The following AHCY variants were observed in gnomAD, a reference collection of about 807,000 sequenced individuals.
The protein encoded by AHCY is S-adenosyl-L-homocysteine hydrolase.
Under a neutral mutation model 45.4 loss-of-function variants are expected in AHCY, and 24 were observed. The ratio of observed to expected loss-of-function variants is 0.53; its 90% CI spans 0.38 to 0.74. The LOEUF (loss-of-function observed/expected upper bound fraction) is 0.74. Among genes scored for constraint, AHCY ranks in the 30% least tolerant of loss-of-function variants. AHCY has a pLI of 0.00. For synonymous variants in AHCY, 245 were observed against 235.1 expected, an observed-to-expected ratio of 1.04 and a Z score of -0.39; for missense variants, 449 against 594.1, an observed-to-expected ratio of 0.76 and a Z score of 2.54.
chr20:34,271,974 GA>G, the AHCY span, among the ~76,000 whole-genome samples: 1 of 150,448 alleles, frequency 6.6e-6, no homozygotes, highest in Non-Finnish European at 1.5e-5. Flanking sequence ...TAGCTTGAGA[GA>G]AAAAAAGGTA....
chr20:34,261,277 T>G, the AHCY span, among the ~76,000 whole-genome samples: 1 of 152,002 alleles, frequency 6.6e-6, no homozygotes, highest in African/African-American at 2.4e-5. Context: ...GGCATGAGGA[T>G]TGTTTGAGCC....
the AHCY span, among the ~76,000 whole-genome samples, chr20:34,247,928 G>A: frequency 5.5e-4 from 84 of 152,268 alleles, no homozygotes; most frequent in Non-Finnish European, 9.3e-4. Flanking sequence ...CCTGAAGGCC[G>A]GGCGCAGTGG....
intron 2 of AHCY, among the ~76,000 whole-genome samples, chr20:34,294,548 G>A (rs2036509085): frequency 6.6e-6 from 1 of 152,162 alleles, no homozygotes; most frequent in Non-Finnish European, 1.5e-5. Context: ...AGTAAAGGGA[G>A]TTGGGAGTGG....
downstream of AHCY, among the ~76,000 whole-genome samples, chr20:34,275,594 A>T (rs1455435003): frequency 6.6e-6 from 1 of 152,170 alleles, no homozygotes; most frequent in East Asian, 1.9e-4. Context: ...GGCTAGATCC[A>T]GTTAGTGTAA....
At chr20:34,249,114 G>A in the AHCY span, among the ~76,000 whole-genome samples, 4 of 152,104 alleles carry the variant, frequency 2.6e-5, no homozygotes, top group Admixed American at 2.0e-4. Context: ...GGGTGACAGA[G>A]TGAGACCCTG....
chr20:34,235,271 C>A, the AHCY span, among the ~76,000 whole-genome samples: 1 of 152,160 alleles, frequency 6.6e-6, no homozygotes, highest in Non-Finnish European at 1.5e-5. Flanking sequence ...GAAACCCCGT[C>A]TCTACTAAAA....
intron 8 of AHCY, among the ~76,000 whole-genome samples, chr20:34,289,781 C>G (rs534767652): frequency 3.9e-5 from 6 of 151,926 alleles, no homozygotes; most frequent in African/African-American, 1.5e-4. Context: ...CCCGGCCCAG[C>G]TAATTTTTTT....
At chr20:34,272,295 G>A in the AHCY span, among the ~76,000 whole-genome samples, 1 of 152,168 alleles carries the variant, frequency 6.6e-6, no homozygotes, top group East Asian at 1.9e-4. Context: ...CACCACAACA[G>A]TCATCAACAC....
upstream of AHCY, among the ~76,000 whole-genome samples, chr20:34,306,807 A>T (rs182134084): frequency 2.6e-5 from 4 of 152,256 alleles, no homozygotes; most frequent in East Asian, 7.7e-4. Flanking sequence ...ACAAAAACCA[A>T]TTCCAATATA....
the AHCY span, chr20:34,262,997 A>G: frequency 6.0e-6 from 8 of 1,327,562 alleles, no homozygotes; most frequent in Non-Finnish European, 8.4e-6. Context: ...AAGATTTTTC[A>G]GGCCTATATT....
At chr20:34,276,061 T>G (rs2035908202), downstream of AHCY, among the ~76,000 whole-genome samples, 1 of 152,066 alleles carries the variant, frequency 6.6e-6, no homozygotes, top group Non-Finnish European at 1.5e-5. Context: ...TCACATTCCT[T>G]CCAATCCTGG....
chr20:34,293,962 T>A lies in AHCY; in HGVS notation c.295+119A>T, dbSNP rs769182964. 839 of 1,006,128 alleles carry A rather than the reference T, an allele frequency of 8.3e-4. 3 individuals are homozygous for A. The highest frequency in any genetic ancestry group is 1.1e-3 in the Non-Finnish European group (704 of 648,270). The allele number at this position is 1,006,128 out of a possible 1,614,324, so 62.3% of individuals were successfully genotyped here. A position where few individuals can be genotyped will look rare whatever the true frequency, so the allele number is the denominator to read the frequency against. ...GTGGGGTCGCTGGGCTAGGATTTTG[T>A]GGCGGTGACTCCTCTCCCTTTCTGA... On this transcript the variant is annotated intron_variant, in intron 3 of 9. Transcript: ENST00000217426.
chr20:34,268,206 G>A, the AHCY span, among the ~76,000 whole-genome samples: 2 of 152,194 alleles, frequency 1.3e-5, no homozygotes, highest in East Asian at 1.9e-4. Context: ...TACCTGTATC[G>A]AAGGTACAAA....
chr20:34,269,176 A>G, the AHCY span: 18 of 1,495,600 alleles, frequency 1.2e-5, no homozygotes, highest in African/African-American at 1.5e-5. Context: ...GAGCGCCCCC[A>G]CTCCCGGCCG....
rs746684170 is a variant in AHCY at position 34,285,424 on chromosome 20, A to G, written c.1167+16T>C. 1 of 1,613,420 alleles carries G rather than the reference A, an allele frequency of 6.2e-7. No homozygotes were observed. Among genetic ancestry groups the G allele is most frequent in the Non-Finnish European group, 8.5e-7 (1 of 1,179,562 alleles). On this transcript the variant is annotated intron_variant, in intron 9 of 9. Transcript: ENST00000217426. ...AGACACGTGACCCTTGGCTTGAGGT[A>G]GAAGAATAAACCCACCTTCTTGGGC...
At chr20:34,258,433 G>A in the AHCY span, among the ~76,000 whole-genome samples, 1 of 149,454 alleles carries the variant, frequency 6.7e-6, no homozygotes, top group Admixed American at 6.8e-5. Context: ...ATGTGAGAAG[G>A]GCAAATAAGT....
the AHCY span, among the ~76,000 whole-genome samples, chr20:34,257,070 C>CTTTTTTTTTTTTTTTTTTTTTTTTT: frequency 1.4e-5 from 2 of 139,422 alleles, no homozygotes; most frequent in African/African-American, 2.6e-5. Context: ...CTTTCTTTCT[C>CTTTTTTTTTTTTTTTTTTTTTTTTT]TTTTTTTTTT....
chr20:34,245,781 C>G, the AHCY span, among the ~76,000 whole-genome samples: 1 of 151,854 alleles, frequency 6.6e-6, no homozygotes, highest in East Asian at 1.9e-4. Flanking sequence ...AAAAAACAAG[C>G]AACCTTGTAC....
At chr20:34,258,700 A>ATATATATATATATATACACACACATAC in the AHCY span, among the ~76,000 whole-genome samples, 32 of 77,922 alleles carry the variant, frequency 4.1e-4, 3 homozygotes, top group East Asian at 1.6e-3. Context: ...TACATACTAT[A>ATATATATATATATATACACACACATAC]TATATATATT....
Sources: gnomAD v4.1 joint callset for allele counts (sites outside exome capture counted in the v4.1 genomes callset) on GRCh38, gnomAD v4.1.1 for gene constraint, MANE v1.5 for transcripts, NCBI Gene and HGNC (gene_info 2026-07-23, HGNC 2026-07-21) for gene names.